Variants in NWD1 observed in about 807,000 individuals in gnomAD.
NWD1 encodes NACHT and WD repeat domain containing 1, also known as NACHT domain- and WD repeat-containing protein 1.
In NWD1, 129 loss-of-function variants were observed where a neutral mutation model predicts 135.1. That is an observed-to-expected ratio of 0.96 (90% CI 0.83 to 1.11). The LOEUF (loss-of-function observed/expected upper bound fraction) is 1.11. Among genes scored for constraint, NWD1 ranks in the 50% least tolerant of loss-of-function variants. The probability of loss-of-function intolerance (pLI) is 0.00; values close to 1 mark genes in which losing one functional copy is unlikely to be tolerated. For synonymous variants in NWD1, 773 were observed against 786.0 expected (o/e 0.98, Z 0.28); for missense variants, 1,740 against 1,851.3 (o/e 0.94, Z 1.10).
chr19:16,812,394 C>CA (rs1404368126), intron 18 of NWD1, among the ~76,000 whole-genome samples: 1 of 151,710 alleles, frequency 6.6e-6, no homozygotes, highest in African/African-American at 2.4e-5. Flanking sequence ...CTGGGTCAGG[C>CA]ACGTTGGCTC....
At chr19:16,779,304 G>T (rs1969770664) in intron 11 of NWD1, 39 bp from the exon 12 acceptor site, 1 of 1,612,564 alleles carries the variant, frequency 6.2e-7, no homozygotes, top group Non-Finnish European at 8.5e-7. Flanking sequence ...CTTGGACACA[G>T]GAACTGAGAT....
At chr19:16,785,624 A>AT (rs1202769861) in intron 12 of NWD1, among the ~76,000 whole-genome samples, 1 of 150,910 alleles carries the variant, frequency 6.6e-6, no homozygotes, top group Non-Finnish European at 1.5e-5. Context: ...CTGAACTTAT[A>AT]TATATATACA....
At chr19:16,760,146 T>C (rs1269930598) in intron 7 of NWD1, among the ~76,000 whole-genome samples, 3 of 150,602 alleles carry the variant, frequency 2.0e-5, no homozygotes, top group African/African-American at 7.5e-5. Flanking sequence ...CAGAGTGAGA[T>C]CCTGTTTCAA....
chr19:16,741,123 A>G (rs113848257), intron 4 of NWD1, among the ~76,000 whole-genome samples: 10,603 of 152,072 alleles, frequency 0.07, 506 homozygotes, highest in African/African-American at 0.14. Context: ...TTGCACTATT[A>G]CACTCCAGCC....
chr19:16,803,779 T>C (rs1169739400), intron 17 of NWD1, among the ~76,000 whole-genome samples: 4 of 149,186 alleles, frequency 2.7e-5, no homozygotes, highest in Non-Finnish European at 5.9e-5. Flanking sequence ...AAAAAAATTA[T>C]CTGGGCGTGG....
chr19:16,755,971 G>C (rs773850), intron 6 of NWD1, among the ~76,000 whole-genome samples: 13,498 of 152,154 alleles, frequency 0.089, 1,007 homozygotes, highest in African/African-American at 0.2. Context: ...ATAGCCTACT[G>C]TTGACCAGAA....
chr19:16,763,577 T>C (rs1401425542), intron 8 of NWD1, among the ~76,000 whole-genome samples: 2 of 152,148 alleles, frequency 1.3e-5, no homozygotes, highest in Non-Finnish European at 2.9e-5. Flanking sequence ...TCAGTTCCGA[T>C]GCCTCTGCCT....
At position 16,749,501 on chromosome 19, in the gene NWD1, GC is replaced by G. The variant is rs1968468170; in HGVS notation, c.861del (p.Gly288AspfsTer63). ...VLTRLRELDTAGQELAWLYQE... is the reference protein window; with the variant it reads ...VLTRLRELDTXGQELAWLYQE... ...CACACGCCTCCGTGAGCTGGATACG[GC>G]CGGACAGGAGTTGGCGTGGCTCTAC... On this transcript the variant is annotated frameshift_variant, in exon 6 of 19. Transcript: ENST00000524140. LOFTEE classifies it high-confidence loss of function. 6.2e-7 allele frequency: 1 copy of G among 1,610,934 alleles called. No individual in the cohort carries two copies. The highest frequency in any genetic ancestry group is 1.1e-5 in the South Asian group (1 of 90,998).
At position 16,799,897 on chromosome 19, in the gene NWD1, G is replaced by C. The variant is rs1191837407; in HGVS notation, c.3471G>C (p.Leu1157=). Residue 1157 remains leucine, a synonymous_variant, in exon 17 of 19, where the codon CTG becomes CTC. Coordinates refer to ENST00000524140, the MANE Select transcript of NWD1 (RefSeq NM_001007525.5). ...TTCTGCTTCCTCAGGTGTGGAGTCT[G>C]TCAGAACAGGGGACCCTTCTGGACA... ...SLDALIQVWS[L]SEQGTLLDIL... The C allele has an allele frequency of 6.2e-7, 1 of 1,607,610 alleles. No homozygotes were observed. Among genetic ancestry groups the C allele is most frequent in the East Asian group, 2.2e-5 (1 of 44,806 alleles).
intron 5 of NWD1, among the ~76,000 whole-genome samples, chr19:16,748,707 C>A (rs1968422954): frequency 6.6e-6 from 1 of 151,992 alleles, no homozygotes; most frequent in South Asian, 2.1e-4. Context: ...GCCTGTAATC[C>A]CAGCTACTCG....
At chr19:16,767,249 G>A (rs1371649108) in intron 10 of NWD1, among the ~76,000 whole-genome samples, 3 of 143,398 alleles carry the variant, frequency 2.1e-5, no homozygotes, top group Admixed American at 7.4e-5. Flanking sequence ...GTGCGATCTC[G>A]GCTCACTGCA....
chr19:16,737,566 GTT>G (rs534107837), intron 4 of NWD1, among the ~76,000 whole-genome samples: 7 of 139,700 alleles, frequency 5.0e-5, no homozygotes, highest in Admixed American at 2.2e-4. Context: ...CTAGTTTTAA[GTT>G]TTTTTTTTTT....
intron 17 of NWD1, among the ~76,000 whole-genome samples, chr19:16,802,240 T>C (rs1970623424): frequency 6.6e-6 from 1 of 150,878 alleles, no homozygotes; most frequent in Admixed American, 6.6e-5. Context: ...ACCATTGCAC[T>C]CCAGCCTGGG....
intron 16 of NWD1, among the ~76,000 whole-genome samples, chr19:16,799,586 A>G (rs1970530879): frequency 6.6e-6 from 1 of 151,912 alleles, no homozygotes; most frequent in Admixed American, 6.6e-5. Context: ...GGCTCATTGC[A>G]AACTCCACCT....
In NWD1 at chr19:16,761,030, C is replaced by T. The variant is rs1968991119; in HGVS notation, c.1974-949C>T. Among the ~76,000 whole-genome samples the T allele has an allele frequency of 2.6e-5, 4 of 152,202 alleles. No individual in the cohort carries two copies. The South Asian group carries it at 8.3e-4, about 32-fold the overall frequency. ...CAGCCGTCACTCCTCATTCCCCTTC[C>T]CTAACCCCTGGCAGCCACTCATCTG... On this transcript the variant is annotated intron_variant, in intron 7 of 18. Coordinates refer to ENST00000524140, the MANE Select transcript of NWD1 (RefSeq NM_001007525.5).
chr19:16,749,503 C>A lies in NWD1; in HGVS notation c.861C>A (p.Ala287=). 1 of 1,610,606 alleles carries A rather than the reference C, an allele frequency of 6.2e-7. No homozygotes were observed. Among genetic ancestry groups the A allele is most frequent in the South Asian group, 1.1e-5 (1 of 90,976 alleles). Reference sequence around the variant, plus strand: ...CACGCCTCCGTGAGCTGGATACGGCCGGACAGGAGTTGGCGTGGCTCTACC... The same window carrying A: ...CACGCCTCCGTGAGCTGGATACGGCAGGACAGGAGTTGGCGTGGCTCTACC... ...VLTRLRELDT[A]GQELAWLYQE... is the part of the protein sequence containing the mutation. The change falls in exon 6 of 19, where the codon GCC becomes GCA. Residue 287 remains alanine (A), a synonymous_variant. Coordinates refer to ENST00000524140, the MANE Select transcript of NWD1 (RefSeq NM_001007525.5).
intron 13 of NWD1, among the ~76,000 whole-genome samples, chr19:16,790,467 G>A (rs1008507861): frequency 6.6e-6 from 1 of 151,670 alleles, no homozygotes; most frequent in Non-Finnish European, 1.5e-5. Context: ...AAATTCGGGG[G>A]GTAGGGGGTA....
At chr19:16,771,299 A>G (rs1355640507) in intron 10 of NWD1, among the ~76,000 whole-genome samples, 1 of 152,000 alleles carries the variant, frequency 6.6e-6, no homozygotes, top group Non-Finnish European at 1.5e-5. Flanking sequence ...AAAATACAAA[A>G]ATTAGCCGGG....
intron 12 of NWD1, among the ~76,000 whole-genome samples, chr19:16,782,017 C>A (rs1000502766): frequency 1.3e-5 from 2 of 150,948 alleles, no homozygotes; most frequent in Admixed American, 6.6e-5. Flanking sequence ...TGGCATCAAC[C>A]CAGGAGGTGG....
Sources: gnomAD v4.1 joint callset for allele counts (sites outside exome capture counted in the v4.1 genomes callset) on GRCh38, gnomAD v4.1.1 for gene constraint, MANE v1.5 for transcripts, NCBI Gene and HGNC (gene_info 2026-07-23, HGNC 2026-07-21) for gene names.